The following CD247 variants were observed in gnomAD, a reference collection of about 807,000 sequenced individuals.
The protein encoded by CD247 is T-cell surface glycoprotein CD3 zeta chain.
In CD247, 13 loss-of-function variants were observed where a neutral mutation model predicts 30.0. That is an observed-to-expected ratio of 0.43 (90% CI 0.28 to 0.69). The LOEUF (loss-of-function observed/expected upper bound fraction) is 0.69. Ranked by LOEUF, CD247 falls within the 30% of genes least tolerant of loss-of-function variation. The pLI is 0.16. For synonymous variants in CD247, 72 were observed against 80.0 expected (o/e 0.90, Z 0.53); for missense variants, 193 against 212.6 (o/e 0.91, Z 0.57).
intron 1 of CD247, among the ~76,000 whole-genome samples, chr1:167,515,910 G>A (rs1406819546): frequency 1.3e-5 from 2 of 152,194 alleles, no homozygotes; most frequent in Non-Finnish European, 2.9e-5. Context: ...CTATGTATTG[G>A]ACACATTACA....
At chr1:167,455,659 A>C (rs1190373848) in intron 1 of CD247, among the ~76,000 whole-genome samples, 1 of 151,946 alleles carries the variant, frequency 6.6e-6, no homozygotes, top group Non-Finnish European at 1.5e-5. Context: ...AGCTGCTCAC[A>C]CGCTGCCGCC....
At chr1:167,463,419 G>A (rs1435792247) in intron 1 of CD247, among the ~76,000 whole-genome samples, 1 of 152,202 alleles carries the variant, frequency 6.6e-6, no homozygotes, top group Non-Finnish European at 1.5e-5. Flanking sequence ...ATATCTGGAA[G>A]CAGAGACCTG....
At chr1:167,439,222 C>T in intron 3 of CD247, 122 bp downstream of exon 3, 1 of 842,340 alleles carries the variant, frequency 1.2e-6, no homozygotes, top group Non-Finnish European at 2.1e-6. Context: ...AAGTTGCAGC[C>T]GGGTCGCAGA....
chr1:167,442,090 C>T (rs556514358), intron 1 of CD247, among the ~76,000 whole-genome samples: 18 of 152,294 alleles, frequency 1.2e-4, no homozygotes, highest in African/African-American at 4.3e-4. Flanking sequence ...CAGCCTGGCA[C>T]ACAGAGTGAG....
At chr1:167,465,096 A>C (rs74988477) in intron 1 of CD247, among the ~76,000 whole-genome samples, 4,766 of 151,458 alleles carry the variant, frequency 0.031, 166 homozygotes, top group East Asian at 0.16. Context: ...CCATATATTT[A>C]TTTCTTTCCT....
chr1:167,456,320 C>G (rs1434220558), intron 1 of CD247, among the ~76,000 whole-genome samples: 1 of 152,140 alleles, frequency 6.6e-6, no homozygotes, highest in African/African-American at 2.4e-5. Flanking sequence ...GACCACGGTA[C>G]GGAGGGAAGT....
chr1:167,497,601 T>C (rs1381524804), intron 1 of CD247, among the ~76,000 whole-genome samples: 1 of 152,128 alleles, frequency 6.6e-6, no homozygotes, highest in African/African-American at 2.4e-5. Context: ...TGGTATTTGA[T>C]TTGGAAACAG....
At chr1:167,438,270 G>T (rs1286608552) in intron 4 of CD247, among the ~76,000 whole-genome samples, 1 of 152,210 alleles carries the variant, frequency 6.6e-6, no homozygotes, top group Non-Finnish European at 1.5e-5. Context: ...GGGGCAGATG[G>T]CGTCACCGTA....
intron 1 of CD247, among the ~76,000 whole-genome samples, chr1:167,516,799 C>T (rs35948757): frequency 0.011 from 1,605 of 152,264 alleles, 32 homozygotes; most frequent in African/African-American, 0.037. Context: ...AAATGAGGCA[C>T]GGCCCCCATC....
intron 7 of CD247, among the ~76,000 whole-genome samples, 198 bp from the exon 8 acceptor site, chr1:167,431,944 G>C (rs1651291392): frequency 6.6e-6 from 1 of 152,196 alleles, no homozygotes; most frequent in Non-Finnish European, 1.5e-5. Context: ...TGGGTGCTGT[G>C]CCCTGCCGGG....
At chr1:167,499,907 A>G (rs1654835342) in intron 1 of CD247, among the ~76,000 whole-genome samples, 1 of 152,202 alleles carries the variant, frequency 6.6e-6, no homozygotes, top group African/African-American at 2.4e-5. Context: ...GATTTTGCAT[A>G]CAGTAATTTA....
intron 1 of CD247, among the ~76,000 whole-genome samples, chr1:167,441,843 G>A (rs531916294): frequency 6.6e-6 from 1 of 152,362 alleles, no homozygotes; most frequent in African/African-American, 2.4e-5. Context: ...GGGGGCGGTG[G>A]CTCACGCCTG....
intron 1 of CD247, among the ~76,000 whole-genome samples, chr1:167,498,001 C>T (rs1010239805): frequency 3.9e-5 from 6 of 152,218 alleles, no homozygotes; most frequent in African/African-American, 1.4e-4. Context: ...AGGGTCTAGA[C>T]TTTTCTCCCT....
At chr1:167,488,493 C>T (rs1189267413) in intron 1 of CD247, among the ~76,000 whole-genome samples, 1 of 152,164 alleles carries the variant, frequency 6.6e-6, no homozygotes, top group Admixed American at 6.5e-5. Context: ...CTAAACCAAC[C>T]TAACAGGACT....
At chr1:167,512,802 T>C (rs1341157215) in intron 1 of CD247, among the ~76,000 whole-genome samples, 1 of 152,196 alleles carries the variant, frequency 6.6e-6, no homozygotes, top group Non-Finnish European at 1.5e-5. Context: ...AACAGGGCTC[T>C]GAGGTCGGGA....
At chr1:167,467,968 A>G (rs1051643525) in intron 1 of CD247, among the ~76,000 whole-genome samples, 5 of 152,342 alleles carry the variant, frequency 3.3e-5, no homozygotes, top group African/African-American at 9.6e-5. Flanking sequence ...GCGCAAAAGC[A>G]AATAATAATA....
chr1:167,473,554 G>A (rs1364034582), intron 1 of CD247, among the ~76,000 whole-genome samples: 1 of 152,192 alleles, frequency 6.6e-6, no homozygotes, highest in African/African-American at 2.4e-5. Flanking sequence ...AAAAAAATGG[G>A]AAGGAACAGC....
intron 1 of CD247, among the ~76,000 whole-genome samples, chr1:167,479,630 C>A (rs1653889325): frequency 6.6e-6 from 1 of 152,186 alleles, no homozygotes; most frequent in African/African-American, 2.4e-5. Context: ...TTTAGGGCCT[C>A]ATATTCTGGT....
At chr1:167,471,631 C>G (rs780033359) in intron 1 of CD247, among the ~76,000 whole-genome samples, 5 of 151,932 alleles carry the variant, frequency 3.3e-5, no homozygotes, top group Non-Finnish European at 5.9e-5. Context: ...AGATGGGGGT[C>G]TCATTCTGTC....
Sources: gnomAD v4.1 joint callset for allele counts (sites outside exome capture counted in the v4.1 genomes callset) on GRCh38, gnomAD v4.1.1 for gene constraint, MANE v1.5 for transcripts, NCBI Gene and HGNC (gene_info 2026-07-23, HGNC 2026-07-21) for gene names.